Variants in MSN observed in about 807,000 individuals in gnomAD.
MSN encodes the protein epididymis luminal protein 70.
Under a neutral mutation model 48.0 loss-of-function variants are expected in MSN, and 2 were observed. That is an observed-to-expected ratio of 0.04 (90% CI 0.02 to 0.13). The LOEUF (loss-of-function observed/expected upper bound fraction) is 0.13. Among genes scored for constraint, MSN ranks in the 10% least tolerant of loss-of-function variants. MSN has a pLI of 1.00. For synonymous variants in MSN, 146 were observed against 166.9 expected (o/e 0.87, Z 0.97); for missense variants, 267 against 470.1 (o/e 0.57, Z 3.99).
At chrX:65,709,089 C>T (rs2071390629) in intron 1 of MSN, among the ~76,000 whole-genome samples, 1 of 112,299 alleles carries the variant, frequency 8.9e-6, no homozygotes, top group Non-Finnish European at 1.9e-5. Context: ...CATATCTTGG[C>T]TATTGTGATG....
chrX:65,613,397 G>A (rs1258813094), intron 1 of MSN, among the ~76,000 whole-genome samples: 2 of 114,985 alleles, frequency 1.7e-5, no homozygotes, highest in Non-Finnish European at 3.7e-5. Context: ...ACCCAGTAAT[G>A]GATTGCTGGG....
chrX:65,700,745 A>C (rs2071294054), intron 1 of MSN, among the ~76,000 whole-genome samples: 1 of 112,130 alleles, frequency 8.9e-6, no homozygotes, highest in Non-Finnish European at 1.9e-5. Flanking sequence ...AATAATGCTT[A>C]ACTTGCATGT....
At chrX:65,620,062 C>A (rs34682058) in intron 1 of MSN, among the ~76,000 whole-genome samples, 1 of 112,067 alleles carries the variant, frequency 8.9e-6, no homozygotes, top group African/African-American at 3.2e-5. Flanking sequence ...GCAATCTGCC[C>A]GTTCTCAGAT....
intron 1 of MSN, among the ~76,000 whole-genome samples, chrX:65,633,664 T>C (rs1252928552): frequency 8.9e-6 from 1 of 112,118 alleles, no homozygotes; most frequent in Non-Finnish European, 1.9e-5. Flanking sequence ...TGGGCTGTGT[T>C]CCCTTGGGCC....
intron 1 of MSN, among the ~76,000 whole-genome samples, chrX:65,620,902 G>A (rs1235268670): frequency 9.5e-6 from 1 of 104,943 alleles, no homozygotes; most frequent in African/African-American, 3.5e-5. Flanking sequence ...ACAGTTTTAG[G>A]TCTTATATTT....
intron 1 of MSN, among the ~76,000 whole-genome samples, chrX:65,675,171 A>G (rs772272181): frequency 7.6e-4 from 86 of 112,425 alleles, no homozygotes; most frequent in Non-Finnish European, 1.2e-3. Context: ...ACTATTTACC[A>G]TAAGGGATAG....
intron 1 of MSN, among the ~76,000 whole-genome samples, chrX:65,608,079 T>C (rs930142736): frequency 1.8e-5 from 2 of 112,477 alleles, no homozygotes; most frequent in African/African-American, 6.5e-5. Flanking sequence ...GACAAAGCTC[T>C]GTCTGTGTAG....
intron 1 of MSN, among the ~76,000 whole-genome samples, chrX:65,701,908 A>AG (rs1317055093): frequency 1.8e-5 from 2 of 111,160 alleles, no homozygotes; most frequent in Non-Finnish European, 3.8e-5. Context: ...TACTTTACAA[A>AG]TAGGGAGGCC....
intron 1 of MSN, among the ~76,000 whole-genome samples, chrX:65,615,275 G>C (rs1242722399): frequency 9.2e-6 from 1 of 108,147 alleles, no homozygotes; most frequent in Non-Finnish European, 1.9e-5. Flanking sequence ...CTGAGGAATC[G>C]CCACACTGAC....
chrX:65,737,970 A>G (rs1188272880), intron 10 of MSN, among the ~76,000 whole-genome samples: 2 of 112,384 alleles, frequency 1.8e-5, no homozygotes, highest in Non-Finnish European at 3.8e-5. Flanking sequence ...ACTCCTTGAC[A>G]TATACTCTTC....
intron 6 of MSN, among the ~76,000 whole-genome samples, chrX:65,732,484 G>T (rs1382225925): frequency 9.0e-6 from 1 of 111,365 alleles, no homozygotes; most frequent in Non-Finnish European, 1.9e-5. Flanking sequence ...TTATTGGATC[G>T]TGCAGGCCTA....
upstream of MSN, among the ~76,000 whole-genome samples, chrX:65,662,911 T>C (rs1382582615): frequency 8.9e-6 from 1 of 112,010 alleles, no homozygotes; most frequent in Non-Finnish European, 1.9e-5. Flanking sequence ...ACATCTAGAA[T>C]CTATAGGGCA....
intron 1 of MSN, among the ~76,000 whole-genome samples, chrX:65,613,402 G>A (rs1206785693): frequency 8.7e-6 from 1 of 114,997 alleles, no homozygotes; most frequent in African/African-American, 3.1e-5. Context: ...GTAATGGATT[G>A]CTGGGTCAAA....
chrX:65,725,404 CTCTCTCTCTCTTTTTTTT>C (rs2071558539), intron 2 of MSN, among the ~76,000 whole-genome samples: 1 of 110,955 alleles, frequency 9.0e-6, no homozygotes, highest in Non-Finnish European at 1.9e-5. Flanking sequence ...TGGGTCTTCT[CTCTCTCTCTCTTTTTTTT>C]TCTCTCTCTC....
intron 1 of MSN, among the ~76,000 whole-genome samples, chrX:65,669,837 C>A (rs1393753898): frequency 9.1e-6 from 1 of 109,368 alleles, no homozygotes; most frequent in African/African-American, 3.3e-5. Flanking sequence ...AAAAAAAAAA[C>A]TAAAACTAAA....
intron 1 of MSN, among the ~76,000 whole-genome samples, chrX:65,598,357 G>C (rs984544032): frequency 1.8e-5 from 2 of 109,571 alleles, no homozygotes; most frequent in South Asian, 3.9e-4. Context: ...AAGAAACACA[G>C]AGAGAGAAAC....
chrX:65,607,594 G>T (rs1054006289), intron 1 of MSN, among the ~76,000 whole-genome samples: 2 of 111,576 alleles, frequency 1.8e-5, no homozygotes, highest in African/African-American at 6.5e-5. Context: ...GTTAACTTCA[G>T]GAAGGAGACC....
At position 65,610,786 on chromosome X, in the gene MSN, G is replaced by T. The variant is rs906223553; in HGVS notation, c.-22+22174G>T. ...CATTTACTTTCTATTCTTTTTTAAA[G>T]CTTTTAATACTTGTTTATTTTTAAC... On this transcript the variant is annotated intron_variant, in intron 1 of 3. Transcript: ENST00000609672. Among the ~76,000 whole-genome samples the T allele has an allele frequency of 2.9e-4, 33 of 112,117 alleles. 1 individual carries two copies. Among genetic ancestry groups the T allele is most frequent in the Admixed American group, 2.9e-4 (3 of 10,509 alleles).
At chrX:65,681,702 C>T (rs1446369258) in intron 1 of MSN, among the ~76,000 whole-genome samples, 1 of 111,926 alleles carries the variant, frequency 8.9e-6, no homozygotes, top group East Asian at 2.8e-4. Flanking sequence ...TAGGGTTATG[C>T]TGAGGATTCA....
Sources: gnomAD v4.1 joint callset for allele counts (sites outside exome capture counted in the v4.1 genomes callset) on GRCh38, gnomAD v4.1.1 for gene constraint, MANE v1.5 for transcripts, NCBI Gene and HGNC (gene_info 2026-07-23, HGNC 2026-07-21) for gene names.